The following NBAS variants were observed in gnomAD, a reference collection of about 807,000 sequenced individuals.
NBAS encodes NBAS subunit of NRZ tethering complex, also known as NAG/BC035112 fusion.
Under a neutral mutation model 302.5 loss-of-function variants are expected in NBAS, and 219 were observed. The ratio of observed to expected loss-of-function variants is 0.72; its 90% confidence interval spans 0.65 to 0.81. NBAS has a LOEUF of 0.81. NBAS is among the 30% of genes least tolerant of loss of function. NBAS has a pLI of 0.00. For missense variants in NBAS, 2,932 were observed against 2,841.6 expected (o/e 1.03, Z -0.72); for synonymous variants, 1,118 against 1,021.6 (o/e 1.09, Z -1.80).
chr2:14,906,789 C>A, the NBAS span, among the ~76,000 whole-genome samples: 1 of 152,112 alleles, frequency 6.6e-6, no homozygotes, highest in South Asian at 2.1e-4. Flanking sequence ...GTGGAGAAAA[C>A]CCCTAATAAA....
At chr2:14,866,595 T>C in the NBAS span, among the ~76,000 whole-genome samples, 1 of 152,114 alleles carries the variant, frequency 6.6e-6, no homozygotes, top group Non-Finnish European at 1.5e-5. Context: ...ATGGAATGAG[T>C]ATGAGTAAAA....
the NBAS span, among the ~76,000 whole-genome samples, chr2:14,917,509 T>C: frequency 1.3e-5 from 2 of 152,162 alleles, no homozygotes; most frequent in African/African-American, 4.8e-5. Flanking sequence ...ACTCTATTGG[T>C]TAGAAGCAAG....
chr2:15,329,170 C>A (rs1043092784), intron 36 of NBAS, among the ~76,000 whole-genome samples: 8 of 152,186 alleles, frequency 5.3e-5, no homozygotes, highest in Admixed American at 1.3e-4. Flanking sequence ...TTCACCCATT[C>A]CTCCAAGGTT....
At chr2:14,979,609 C>G in the NBAS span, among the ~76,000 whole-genome samples, 1 of 152,118 alleles carries the variant, frequency 6.6e-6, no homozygotes, top group Admixed American at 6.5e-5. Context: ...GACTCCAGAG[C>G]TTTTGCTTTT....
chr2:14,949,612 T>C, the NBAS span, among the ~76,000 whole-genome samples: 1 of 152,250 alleles, frequency 6.6e-6, no homozygotes, highest in Non-Finnish European at 1.5e-5. Context: ...AACCTAAGTG[T>C]CCATGAATGA....
At chr2:15,083,251 C>T in the NBAS span, among the ~76,000 whole-genome samples, 93 of 152,344 alleles carry the variant, frequency 6.1e-4, no homozygotes, top group East Asian at 0.011. Flanking sequence ...TTTCCACTTT[C>T]GCAACAGTGC....
intron 40 of NBAS, among the ~76,000 whole-genome samples, chr2:15,297,662 T>C (rs1232410812): frequency 6.6e-6 from 1 of 152,248 alleles, no homozygotes; most frequent in East Asian, 1.9e-4. Context: ...ATGAGTCAAT[T>C]AAACCTCTTT....
At chr2:15,543,014 T>A (rs1273532715) in intron 6 of NBAS, among the ~76,000 whole-genome samples, 1 of 152,252 alleles carries the variant, frequency 6.6e-6, no homozygotes, top group Non-Finnish European at 1.5e-5. Context: ...ATCACTGGAT[T>A]TTTCCAGTTG....
At chr2:15,267,763 T>G (rs1039307179) in intron 44 of NBAS, among the ~76,000 whole-genome samples, 1 of 152,192 alleles carries the variant, frequency 6.6e-6, no homozygotes, top group Admixed American at 6.5e-5. Flanking sequence ...CACATACATG[T>G]ATTTTATTCA....
chr2:15,129,725 A>G, the NBAS span, among the ~76,000 whole-genome samples: 1 of 152,192 alleles, frequency 6.6e-6, no homozygotes, highest in African/African-American at 2.4e-5. Flanking sequence ...TTGGCTGGGT[A>G]CATTTCACCA....
At chr2:15,002,658 T>A in the NBAS span, among the ~76,000 whole-genome samples, 8 of 152,230 alleles carry the variant, frequency 5.3e-5, no homozygotes, top group South Asian at 1.4e-3. Context: ...CATGGCGGGC[T>A]GCAGGTCCCG....
the NBAS span, among the ~76,000 whole-genome samples, chr2:15,055,568 A>G: frequency 1.3e-5 from 2 of 152,164 alleles, no homozygotes; most frequent in South Asian, 4.1e-4. Context: ...AATGGTGAGG[A>G]AAGCATCCAC....
intron 21 of NBAS, among the ~76,000 whole-genome samples, chr2:15,459,069 A>G (rs888877460): frequency 1.3e-5 from 2 of 152,228 alleles, no homozygotes; most frequent in African/African-American, 4.8e-5. Flanking sequence ...GGGCATTCAA[A>G]GAAAAGTGTG....
chr2:15,021,106 C>T, the NBAS span, among the ~76,000 whole-genome samples: 1 of 152,048 alleles, frequency 6.6e-6, no homozygotes, highest in Admixed American at 6.6e-5. Context: ...TTGGCGGGCA[C>T]CTGTAATCCC....
At chr2:15,221,150 C>T (rs896677179) in intron 47 of NBAS, among the ~76,000 whole-genome samples, 5 of 152,202 alleles carry the variant, frequency 3.3e-5, no homozygotes, top group African/African-American at 1.2e-4. Context: ...GAACCTTTTG[C>T]AAGCTGAATA....
At chr2:14,965,678 G>A in the NBAS span, among the ~76,000 whole-genome samples, 1 of 152,002 alleles carries the variant, frequency 6.6e-6, no homozygotes, top group East Asian at 1.9e-4. Context: ...CATTCTGTGA[G>A]TCTAGCATTG....
At position 15,356,321 on chromosome 2, in the gene NBAS, G is replaced by C; in HGVS notation, c.3913C>G (p.Gln1305Glu). 1 of 1,613,540 alleles carries C rather than the reference G, an allele frequency of 6.2e-7. No individual in the cohort carries two copies. Among genetic ancestry groups the C allele is most frequent in the Non-Finnish European group, 8.5e-7 (1 of 1,179,550 alleles). Residue 1305 changes from glutamine (Q) to glutamate (E), a missense_variant, in exon 33 of 52, where the codon CAG (glutamine) becomes GAG (glutamate). Physicochemically the swap from Gln to Glu is conservative, Grantham distance 29. Transcript: ENST00000281513. ...TACTCACCTGTGGCCATCAGCTCCT[G>C]ACAATGCATACTGGCTGCTTTGTAG... ...HDYKAASMHCQELMATGYPKS... is the reference protein window; with the variant it reads ...HDYKAASMHCEELMATGYPKS...
At chr2:15,244,204 T>A (rs1383607999) in intron 44 of NBAS, among the ~76,000 whole-genome samples, 1 of 152,182 alleles carries the variant, frequency 6.6e-6, no homozygotes, top group Non-Finnish European at 1.5e-5. Flanking sequence ...AGAACCTGAC[T>A]GAATTTCTGA....
In NBAS at chr2:15,473,335, C is replaced by T. The variant is rs1247801069; in HGVS notation, c.1612G>A (p.Glu538Lys). 1.2e-6 allele frequency: 2 copies of T among 1,613,852 alleles called. No homozygotes were observed. Among genetic ancestry groups the T allele is most frequent in the East Asian group, 2.2e-5 (1 of 44,866 alleles). ...GCCAAGGACAAGGCTTCCTCATACT[C>T]TTCACTTTCAATCTTCAGATAAAAA... is the stretch of plus-strand genomic sequence containing the variant. ...ELYQRKIESE[E>K]YEEALSLAHT... Residue 538 changes from glutamate (E) to lysine (K), a missense_variant, in exon 16 of 52, where the codon GAG becomes AAG. Coordinates refer to ENST00000281513, the MANE Select transcript of NBAS (RefSeq NM_015909.4).
Sources: allele counts gnomAD v4.1 joint callset (sites outside exome capture counted in the v4.1 genomes callset), GRCh38; gene constraint gnomAD v4.1.1; transcripts MANE v1.5; gene names NCBI Gene and HGNC (gene_info 2026-07-23, HGNC 2026-07-21).